Variants in SCN2A observed in about 807,000 individuals in gnomAD.
The protein encoded by SCN2A is sodium voltage-gated channel alpha subunit 2, also known as sodium channel protein type 2 subunit alpha.
SCN2A carries 20 observed loss-of-function variants against 188.7 expected under a neutral mutation model. The observed-to-expected ratio is 0.11, with a 90% confidence interval of 0.07 to 0.15. The LOEUF (loss-of-function observed/expected upper bound fraction) is 0.15. SCN2A is among the 10% of genes least tolerant of loss of function. The pLI is 1.00. For missense variants in SCN2A, 1,278 were observed against 2,445.0 expected (o/e 0.52, Z 10.07); for synonymous variants, 804 against 833.1 (o/e 0.97, Z 0.60).
intron 14 of SCN2A, among the ~76,000 whole-genome samples, chr2:165,337,464 A>ATG (rs1699063686): frequency 6.6e-6 from 1 of 152,134 alleles, no homozygotes. Flanking sequence ...ACAGACCTTA[A>ATG]TGTTACCTTA....
intron 20 of SCN2A, chr2:165,370,683 G>T (rs750300694): frequency 5.7e-5 from 12 of 210,954 alleles, no homozygotes; most frequent in Non-Finnish European, 1.1e-4. Context: ...AGCCTGTTGA[G>T]TTTAGGTCAC....
At position 165,326,987 on chromosome 2, in the gene SCN2A, A is replaced by C. The variant is rs1474808070; in HGVS notation, c.2149+3A>C. ...TATTTTGACCAACACCATGGAAGGT[A>C]TGTTAAAAGTCCTGCGTCACAGTTA... is the stretch of plus-strand genomic sequence containing the variant. On this transcript the variant is annotated splice_donor_region_variant and intron_variant, in intron 13 of 26. Coordinates refer to ENST00000375437, the MANE Select transcript of SCN2A (RefSeq NM_001040142.2). 2 of 1,613,808 alleles carry C rather than the reference A, an allele frequency of 1.2e-6. No individual in the cohort carries two copies. The highest frequency in any genetic ancestry group is 3.3e-5 in the Admixed American group (2 of 60,004).
intron 17 of SCN2A, among the ~76,000 whole-genome samples, chr2:165,360,338 T>C (rs1700399662): frequency 6.6e-6 from 1 of 151,956 alleles, no homozygotes; most frequent in African/African-American, 2.4e-5. Flanking sequence ...CACATTCATA[T>C]TTAGTAGTAT....
intron 17 of SCN2A, among the ~76,000 whole-genome samples, chr2:165,358,697 C>T (rs999815096): frequency 6.6e-6 from 1 of 151,916 alleles, no homozygotes; most frequent in African/African-American, 2.4e-5. Flanking sequence ...TGTGCTTTCT[C>T]TCCCCTCTAT....
chr2:165,328,485 C>G, intron 13 of SCN2A: 5 of 985,770 alleles, frequency 5.1e-6, no homozygotes, highest in Non-Finnish European at 6.0e-6. Flanking sequence ...GGTTCTGCTA[C>G]CGATGTCAGC....
At chr2:165,251,514 G>A (rs574396420) in intron 1 of SCN2A, among the ~76,000 whole-genome samples, 1 of 152,030 alleles carries the variant, frequency 6.6e-6, no homozygotes, top group Non-Finnish European at 1.5e-5. Context: ...CGATTATCTT[G>A]TGTGGTTTAA....
chr2:165,296,970 A>AAT, intron 2 of SCN2A, 47 bp from the exon 3 acceptor site: 1 of 947,106 alleles, frequency 1.1e-6, no homozygotes, highest in South Asian at 1.4e-5. Flanking sequence ...AAATATTCTT[A>AAT]ATATATATTC....
intron 16 of SCN2A, among the ~76,000 whole-genome samples, chr2:165,352,448 A>G (rs1382219785): frequency 6.6e-6 from 1 of 152,186 alleles, no homozygotes; most frequent in Non-Finnish European, 1.5e-5. Flanking sequence ...CCTCATTAGC[A>G]TGATAGAAGC....
At chr2:165,370,331 T>C (rs1186438780) in intron 20 of SCN2A, 32 bp downstream of exon 20, 2 of 1,609,676 alleles carry the variant, frequency 1.2e-6, no homozygotes, top group Non-Finnish European at 1.7e-6. Context: ...GCTTTATTCA[T>C]TGGCATATAT....
chr2:165,342,607 A>G, intron 15 of SCN2A, 138 bp downstream of exon 15: 1 of 874,808 alleles, frequency 1.1e-6, no homozygotes, highest in Non-Finnish European at 1.9e-6. Context: ...TTGCCATACC[A>G]CCAAATGGTA....
intron 4 of SCN2A, 22 bp from the exon 5 acceptor site, chr2:165,308,644 G>A: frequency 5.6e-6 from 9 of 1,608,492 alleles, no homozygotes; most frequent in Non-Finnish European, 7.7e-6. Flanking sequence ...TTTTTAATGT[G>A]AGCTTGGCTA....
At chr2:165,289,403 C>T (rs1348972358) in intron 1 of SCN2A, among the ~76,000 whole-genome samples, 2 of 151,914 alleles carry the variant, frequency 1.3e-5, no homozygotes, top group Non-Finnish European at 2.9e-5. Flanking sequence ...AATTTAGAAT[C>T]CCAATTCTTA....
At chr2:165,329,810 T>A (rs985960884) in intron 13 of SCN2A, among the ~76,000 whole-genome samples, 3 of 152,158 alleles carry the variant, frequency 2.0e-5, no homozygotes, top group Admixed American at 6.5e-5. Flanking sequence ...ATTTACAAAA[T>A]AACTAGTGCA....
At chr2:165,250,444 AAAT>A (rs1275572411) in intron 1 of SCN2A, among the ~76,000 whole-genome samples, 1 of 151,724 alleles carries the variant, frequency 6.6e-6, no homozygotes, top group Non-Finnish European at 1.5e-5. Context: ...ACAGAAATGT[AAAT>A]AATAATTATA....
intron 1 of SCN2A, among the ~76,000 whole-genome samples, chr2:165,284,657 G>A (rs1459302748): frequency 1.3e-5 from 2 of 152,142 alleles, no homozygotes; most frequent in Admixed American, 1.3e-4. Context: ...GAAGAAATGA[G>A]GAAAACTGAG....
chr2:165,291,411 CCTTCCTCCCTG>C (rs1559339942), intron 1 of SCN2A, among the ~76,000 whole-genome samples: 13 of 119,488 alleles, frequency 1.1e-4, no homozygotes, highest in East Asian at 5.5e-4. Context: ...TTCCTTCCTT[CCTTCCTCCCTG>C]TCTGTCTTTC....
At chr2:165,294,040 A>AAATTT (rs780674346) in intron 1 of SCN2A, 11 of 630,378 alleles carry the variant, frequency 1.7e-5, no homozygotes, top group Admixed American at 2.1e-4. Context: ...AAAAAAAAAG[A>AAATTT]TTTTTTTTTT....
chr2:165,327,166 T>A (rs1574601152), intron 13 of SCN2A, 182 bp downstream of exon 13: 11 of 642,186 alleles, frequency 1.7e-5, no homozygotes, highest in East Asian at 3.3e-5. Context: ...TTTTTTTTTT[T>A]TATATTTAGC....
chr2:165,322,841 G>A (rs1185956300), intron 11 of SCN2A, among the ~76,000 whole-genome samples: 1 of 152,136 alleles, frequency 6.6e-6, no homozygotes, highest in African/African-American at 2.4e-5. Flanking sequence ...ATCAGTTCTA[G>A]ATGCCCGTAA....
Sources: gnomAD v4.1 joint callset for allele counts (sites outside exome capture counted in the v4.1 genomes callset) on GRCh38, gnomAD v4.1.1 for gene constraint, MANE v1.5 for transcripts, NCBI Gene and HGNC (gene_info 2026-07-23, HGNC 2026-07-21) for gene names.